SORBS2: variants seen among roughly 807,000 people sequenced by gnomAD.
SORBS2 encodes the protein sorbin and SH3 domain-containing protein 2.
In SORBS2, 46 loss-of-function variants were observed where a neutral mutation model predicts 97.7. That is an observed-to-expected ratio of 0.47 (90% CI 0.37 to 0.60). The LOEUF (loss-of-function observed/expected upper bound fraction) is 0.60. Among genes scored for constraint, SORBS2 ranks in the 20% least tolerant of loss-of-function variants. The pLI is 0.00. For missense variants in SORBS2, 1,316 were observed against 1,282.3 expected, an observed-to-expected ratio of 1.03 and a Z score of -0.40; for synonymous variants, 476 against 473.4, an observed-to-expected ratio of 1.01 and a Z score of -0.07.
intron 1 of SORBS2, among the ~76,000 whole-genome samples, chr4:185,873,838 AC>A (rs1247565457): frequency 1.3e-5 from 2 of 152,210 alleles, no homozygotes; most frequent in Non-Finnish European, 2.9e-5. Flanking sequence ...TAAAAATATA[AC>A]ATGAACATTT....
chr4:185,802,047 A>G (rs184555513), intron 1 of SORBS2, among the ~76,000 whole-genome samples: 45 of 152,344 alleles, frequency 3.0e-4, no homozygotes, highest in Admixed American at 2.0e-3. Flanking sequence ...TCGAGCCCCA[A>G]TTAAAATACC....
intron 1 of SORBS2, among the ~76,000 whole-genome samples, chr4:185,843,974 G>C (rs2099213061): frequency 1.3e-5 from 2 of 152,204 alleles, no homozygotes; most frequent in Non-Finnish European, 2.9e-5. Context: ...TGACCTCACT[G>C]TAAACCTACA....
At chr4:185,827,729 CCAT>C (rs2099202191) in intron 1 of SORBS2, among the ~76,000 whole-genome samples, 1 of 61,690 alleles carries the variant, frequency 1.6e-5, no homozygotes, top group Admixed American at 1.5e-4. Flanking sequence ...ACCATCATCA[CCAT>C]CATCATCACC....
chr4:185,747,023 T>C lies in SORBS2; in HGVS notation c.-198+28204A>G, dbSNP rs146804088. 5.6e-4 allele frequency among the ~76,000 whole-genome samples: 86 copies of C among 152,274 alleles called. 1 individual carries two copies. Among genetic ancestry groups the C allele is most frequent in the African/African-American group, 1.9e-3 (80 of 41,552 alleles). On this transcript the variant is annotated intron_variant, in intron 2 of 20. Transcript: ENST00000284776. ...TCCTTAAGAAGAGTGCCGGGCGCAG[T>C]GGCTCACGCCTATGATGCCACTGCA...
intron 1 of SORBS2, among the ~76,000 whole-genome samples, chr4:185,823,912 C>T (rs548585031): frequency 4.6e-4 from 70 of 152,276 alleles, no homozygotes; most frequent in African/African-American, 6.7e-4. Context: ...CTCAGAAATT[C>T]GTGAAGCTAC....
At chr4:185,797,878 A>G (rs2099112919) in intron 1 of SORBS2, among the ~76,000 whole-genome samples, 1 of 152,154 alleles carries the variant, frequency 6.6e-6, no homozygotes, top group Admixed American at 6.5e-5. Flanking sequence ...TGCTTTCTCC[A>G]TCTAATGCCC....
chr4:185,828,779 C>T (rs1285733194), intron 1 of SORBS2, among the ~76,000 whole-genome samples: 1 of 152,058 alleles, frequency 6.6e-6, no homozygotes, highest in Non-Finnish European at 1.5e-5. Context: ...GATAGATTCC[C>T]AGGGTGGAAA....
chr4:185,883,791 T>A (rs1235009686), intron 1 of SORBS2, among the ~76,000 whole-genome samples: 3 of 152,224 alleles, frequency 2.0e-5, no homozygotes, highest in Non-Finnish European at 4.4e-5. Flanking sequence ...AAGGCTGCAG[T>A]GAGCTATGAT....
chr4:185,730,806 C>T lies in SORBS2; in HGVS notation c.-198+44421G>A, dbSNP rs1198031432. Among the ~76,000 whole-genome samples, 3 of 152,226 alleles carry T rather than the reference C, an allele frequency of 2.0e-5. 1 individual carries two copies. In the East Asian group the frequency reaches 5.8e-4, roughly 29 times the overall value. ...CAGCTGTGCCTTTGGAGCTGGACAT[C>T]CAGGTACCTGGCTGCCTGCTGGGAA... is the stretch of plus-strand genomic sequence containing the variant. On this transcript the variant is annotated intron_variant, in intron 2 of 20. Coordinates refer to the SORBS2 transcript ENST00000284776.
chr4:185,877,876 A>G (rs1561260344), intron 1 of SORBS2, among the ~76,000 whole-genome samples: 1 of 147,866 alleles, frequency 6.8e-6, no homozygotes, highest in Non-Finnish European at 1.5e-5. Flanking sequence ...TCAAAAAACA[A>G]AAAAAAAAAA....
intron 5 of SORBS2, among the ~76,000 whole-genome samples, chr4:185,629,931 G>C (rs2096880063): frequency 6.6e-6 from 1 of 152,168 alleles, no homozygotes; most frequent in Non-Finnish European, 1.5e-5. Context: ...CGAACTCTGA[G>C]GGAAGTTAGG....
At chr4:185,939,222 GTCCA>G (rs2099270627) in intron 1 of SORBS2, among the ~76,000 whole-genome samples, 1 of 152,060 alleles carries the variant, frequency 6.6e-6, no homozygotes, top group Admixed American at 6.6e-5. Context: ...TTATTGAACT[GTCCA>G]TCCTTCTCTC....
intron 1 of SORBS2, among the ~76,000 whole-genome samples, chr4:185,945,570 T>C (rs557429909): frequency 6.6e-6 from 1 of 152,374 alleles, no homozygotes; most frequent in African/African-American, 2.4e-5. Context: ...CTTCTAGTGT[T>C]CCACTGATTA....
At chr4:185,731,893 TATATATATA>T (rs2098642280) in intron 2 of SORBS2, among the ~76,000 whole-genome samples, 1 of 115,294 alleles carries the variant, frequency 8.7e-6, no homozygotes, top group Non-Finnish European at 1.8e-5. Context: ...TATATATATA[TATATATATA>T]TATATATGTC....
At chr4:185,813,650 T>A (rs1025813629) in intron 1 of SORBS2, among the ~76,000 whole-genome samples, 3 of 152,192 alleles carry the variant, frequency 2.0e-5, no homozygotes, top group East Asian at 1.9e-4. Flanking sequence ...CAGATGCTGC[T>A]ACTATTAAAA....
chr4:185,629,769 GC>G (rs1231178699), intron 5 of SORBS2, among the ~76,000 whole-genome samples: 1 of 151,988 alleles, frequency 6.6e-6, no homozygotes, highest in African/African-American at 2.4e-5. Flanking sequence ...CACCATGATG[GC>G]CAGGATGGTC....
chr4:185,822,465 G>A (rs912909286), intron 1 of SORBS2, among the ~76,000 whole-genome samples: 1 of 152,242 alleles, frequency 6.6e-6, no homozygotes, highest in Non-Finnish European at 1.5e-5. Flanking sequence ...TTTGTATTCG[G>A]TGAGTTTTCA....
At chr4:185,630,487 T>G in intron 5 of SORBS2, 62 bp downstream of exon 17, 1 of 1,042,072 alleles carries the variant, frequency 9.6e-7, no homozygotes. Context: ...CTGAATAATT[T>G]TATTGTTGAA....
At chr4:185,858,109 C>T (rs577841742) in intron 1 of SORBS2, among the ~76,000 whole-genome samples, 53 of 152,310 alleles carry the variant, frequency 3.5e-4, no homozygotes, top group Admixed American at 1.2e-3. Flanking sequence ...TATCAATATG[C>T]GATGGCACCC....
Sources: allele counts gnomAD v4.1 joint callset (sites outside exome capture counted in the v4.1 genomes callset), GRCh38; gene constraint gnomAD v4.1.1; transcripts MANE v1.5; gene names NCBI Gene and HGNC (gene_info 2026-07-23, HGNC 2026-07-21).